PCNT: variants seen among roughly 807,000 people sequenced by gnomAD.
PCNT encodes pericentrin, also known as kendrin.
A neutral mutation model predicts 380.4 loss-of-function variants in PCNT; 319 were observed. That is an observed-to-expected ratio of 0.84 (90% CI 0.77 to 0.92). The LOEUF (loss-of-function observed/expected upper bound fraction) is 0.92, where lower values mean the gene tolerates loss of function less well. Among genes scored for constraint, PCNT ranks in the 40% least tolerant of loss-of-function variants. The pLI is 0.00. For missense variants in PCNT, 4,400 were observed against 4,255.3 expected (o/e 1.03, Z -0.95); for synonymous variants, 1,845 against 1,735.2 (o/e 1.06, Z -1.57).
At position 46,411,705 on chromosome 21, in the gene PCNT, G is replaced by C. The variant is rs756428673; in HGVS notation, c.5632G>C (p.Asp1878His). The change falls in exon 28 of 47, where the codon GAC (aspartate) becomes CAC (histidine). Residue 1878 changes from aspartate (D) to histidine (H), a missense_variant. Coordinates refer to ENST00000359568, the MANE Select transcript of PCNT (RefSeq NM_006031.6). ...GATTGCCGAGAGAAATTTAGAAATC[G>C]ACGCTCTGAACCAGCGGAAGGCGGC... ...ATIAERNLEI[D>H]ALNQRKAAHS... 3.7e-6 allele frequency: 6 copies of C among 1,612,648 alleles called. No homozygotes were observed. In the South Asian group the frequency reaches 4.4e-5, roughly 12 times the overall value.
intron 33 of PCNT, among the ~76,000 whole-genome samples, chr21:46,426,993 G>A (rs769169372): frequency 1.3e-5 from 2 of 152,138 alleles, no homozygotes; most frequent in Non-Finnish European, 2.9e-5. Context: ...GCAGGCCCTG[G>A]TTGTGTGCGA....
rs557641339 is a variant in PCNT at position 46,326,511 on chromosome 21, C to G, written c.189C>G (p.Leu63=). ...CGGTAACCAAGGAGGACAGCGCACT[C>G]TGTGGAGGAGGGGACATTTGCAAAA... ...ESPVTKEDSA[L]CGGGDICKST... The change falls in exon 2 of 47, where the codon CTC becomes CTG. Residue 63 remains leucine (L), a synonymous_variant. Transcript: ENST00000359568. 6.2e-7 allele frequency: 1 copy of G among 1,614,200 alleles called. No individual in the cohort carries two copies. Among genetic ancestry groups the G allele is most frequent in the South Asian group, 1.1e-5 (1 of 91,082 alleles).
chr21:46,431,250 G>A (rs1466557542), intron 37 of PCNT: 1 of 1,311,504 alleles, frequency 7.6e-7, no homozygotes, highest in Non-Finnish European at 9.8e-7. Flanking sequence ...GCGGGCAGGG[G>A]ACATCTCTGA....
rs1022290724 is a variant in PCNT, at chr21:46,427,918, G to A, written c.7494+123G>A. On this transcript the variant is annotated intron_variant, in intron 34 of 46. Coordinates refer to ENST00000359568, the MANE Select transcript of PCNT (RefSeq NM_006031.6). ...GTGTGTTTCTCTCGACCGCTGGAAT[G>A]TGGCTGTCACTTACCCAGGTGTTGA... The A allele has an allele frequency of 3.0e-5, 33 of 1,096,606 alleles. No individual in the cohort carries two copies. In the South Asian group the frequency reaches 4.0e-4, roughly 13 times the overall value. The allele number at this position is 1,096,606 out of a possible 1,614,324, so 67.9% of individuals were successfully genotyped here. A position where few individuals can be genotyped will look rare whatever the true frequency, so the allele number is the denominator to read the frequency against.
At chr21:46,358,292 T>G (rs2084553299) in intron 13 of PCNT, among the ~76,000 whole-genome samples, 1 of 152,254 alleles carries the variant, frequency 6.6e-6, no homozygotes, top group Non-Finnish European at 1.5e-5. Flanking sequence ...TGTTTTCATT[T>G]CTATTTGTGT....
At chr21:46,437,130 G>T in intron 40 of PCNT, 49 bp downstream of exon 40, 1 of 1,235,884 alleles carries the variant, frequency 8.1e-7, no homozygotes, top group Admixed American at 1.7e-5. Flanking sequence ...TCCCCCAGAG[G>T]GGCCCTCTCG....
At chr21:46,405,385 C>T (rs1016932491) in intron 27 of PCNT, among the ~76,000 whole-genome samples, 1 of 152,176 alleles carries the variant, frequency 6.6e-6, no homozygotes, top group Admixed American at 6.5e-5. Context: ...TAAAAATAGC[C>T]TTTTGGGTTA....
intron 5 of PCNT, among the ~76,000 whole-genome samples, 193 bp from the exon 6 acceptor site, chr21:46,347,264 C>A (rs773329857): frequency 6.6e-6 from 1 of 152,116 alleles, no homozygotes; most frequent in Non-Finnish European, 1.5e-5. Flanking sequence ...TCTCTTAGAT[C>A]GTCCTGTGTG....
intron 44 of PCNT, chr21:46,442,827 G>A (rs1276872587): frequency 1.4e-5 from 8 of 562,874 alleles, no homozygotes; most frequent in Non-Finnish European, 2.5e-5. Flanking sequence ...TCAATATATT[G>A]ATTATTTAAT....
At chr21:46,329,993 A>G (rs544410397) in intron 2 of PCNT, among the ~76,000 whole-genome samples, 18 of 152,300 alleles carry the variant, frequency 1.2e-4, no homozygotes, top group African/African-American at 4.3e-4. Flanking sequence ...CTTCCTGTCC[A>G]TTGGCTCTAA....
At chr21:46,445,211 A>G in intron 46 of PCNT, 73 bp from the exon 47 acceptor site, 3 of 1,019,518 alleles carry the variant, frequency 2.9e-6, no homozygotes, top group Non-Finnish European at 4.7e-6. Flanking sequence ...GTGTTTCAAA[A>G]TTGTGGAATT....
At chr21:46,383,973 C>T (rs1484599300) in intron 16 of PCNT, among the ~76,000 whole-genome samples, 4 of 145,494 alleles carry the variant, frequency 2.7e-5, no homozygotes, top group Non-Finnish European at 6.0e-5. Context: ...GTGGCGGAAG[C>T]GCATTCACCA....
chr21:46,401,812 G>A lies in PCNT; in HGVS notation c.4962+91G>A, dbSNP rs2839241. Reference sequence around the variant, plus strand: ...CAGATCCGATGTCCAGATAACACAGGCGATGGGCTTGTGACCACTGTGTAT... The same window carrying A: ...CAGATCCGATGTCCAGATAACACAGACGATGGGCTTGTGACCACTGTGTAT... On this transcript the variant is annotated intron_variant, in intron 26 of 46. Transcript: ENST00000359568. 0.4 allele frequency: 483,646 copies of A among 1,205,546 alleles called. 100,350 individuals carry two copies. The highest frequency in any genetic ancestry group is 0.49 in the Middle Eastern group (2,192 of 4,458). The allele number at this position is 1,205,546 out of a possible 1,614,324, so 74.7% of individuals were successfully genotyped here. A position where few individuals can be genotyped will look rare whatever the true frequency, so the allele number is the denominator to read the frequency against.
At chr21:46,430,482 A>G in intron 36 of PCNT, 25 bp from the exon 37 acceptor site, 4 of 1,549,604 alleles carry the variant, frequency 2.6e-6, no homozygotes, top group Non-Finnish European at 3.5e-6. Context: ...ACGTGGTCAG[A>G]TTGTTCTGCG....
chr21:46,353,849 G>A (rs1401310379), intron 10 of PCNT, 138 bp from the exon 11 acceptor site: 10 of 748,738 alleles, frequency 1.3e-5, no homozygotes, highest in Middle Eastern at 3.1e-4. Context: ...ACGGCTCCCC[G>A]CACATGGACA....
At chr21:46,421,723 C>G (rs2087258634) in intron 31 of PCNT, among the ~76,000 whole-genome samples, 1 of 152,240 alleles carries the variant, frequency 6.6e-6, no homozygotes. Flanking sequence ...GCGCTGGAAT[C>G]AGGGACTCAG....
chr21:46,444,103 C>T (rs906615004), intron 45 of PCNT, among the ~76,000 whole-genome samples, 155 bp downstream of exon 45: 8 of 152,244 alleles, frequency 5.3e-5, no homozygotes, highest in African/African-American at 1.4e-4. Flanking sequence ...CAAGAAGTCC[C>T]GCCCTGTTCT....
intron 16 of PCNT, among the ~76,000 whole-genome samples, chr21:46,384,017 G>A (rs1340406968): frequency 1.4e-5 from 2 of 144,896 alleles, no homozygotes; most frequent in African/African-American, 2.5e-5. Flanking sequence ...CGCATTCACA[G>A]TGTTGTATAT....
chr21:46,397,386 G>T lies in PCNT; in HGVS notation c.4338G>T (p.Gln1446His). ...MKILESELEE[Q>H]LSQHRGCAKQ... Reference sequence around the variant, plus strand: ...TTTTGGAGTCTGAGTTAGAAGAACAGCTGTCTCAGCATCGCGGGTGTGCCA... The same window carrying T: ...TTTTGGAGTCTGAGTTAGAAGAACATCTGTCTCAGCATCGCGGGTGTGCCA... Residue 1446 changes from glutamine (Q) to histidine (H), a missense_variant, in exon 22 of 47, where the codon CAG becomes CAT. Coordinates refer to ENST00000359568, the MANE Select transcript of PCNT (RefSeq NM_006031.6). 6.2e-7 allele frequency: 1 copy of T among 1,614,196 alleles called. No homozygotes were observed. Among genetic ancestry groups the T allele is most frequent in the Non-Finnish European group, 8.5e-7 (1 of 1,180,030 alleles).
Sources: gnomAD v4.1 joint callset for allele counts (sites outside exome capture counted in the v4.1 genomes callset) on GRCh38, gnomAD v4.1.1 for gene constraint, MANE v1.5 for transcripts, NCBI Gene and HGNC (gene_info 2026-07-23, HGNC 2026-07-21) for gene names.